Variants in MAPKBP1 observed in about 807,000 individuals in gnomAD.
MAPKBP1 encodes mitogen-activated protein kinase binding protein 1, also known as mitogen-activated protein kinase-binding protein 1.
MAPKBP1 carries 71 observed loss-of-function variants against 170.5 expected under a neutral mutation model. That is an observed-to-expected ratio of 0.42 (90% CI 0.34 to 0.51). The LOEUF (loss-of-function observed/expected upper bound fraction) is 0.51. Among genes scored for constraint, MAPKBP1 ranks in the 20% least tolerant of loss-of-function variants. The pLI, the probability that MAPKBP1 is intolerant of heterozygous loss-of-function variation, is 0.06. For missense variants in MAPKBP1, 1,598 were observed against 1,933.0 expected, an observed-to-expected ratio of 0.83 and a Z score of 3.25; for synonymous variants, 719 against 757.9, an observed-to-expected ratio of 0.95 and a Z score of 0.84.
At chr15:41,784,540 T>C (rs1365620553) in intron 2 of MAPKBP1, among the ~76,000 whole-genome samples, 4 of 151,906 alleles carry the variant, frequency 2.6e-5, no homozygotes, top group Non-Finnish European at 5.9e-5. Flanking sequence ...TCCCAGCACT[T>C]TGGGAGGCCG....
intron 2 of MAPKBP1, among the ~76,000 whole-genome samples, chr15:41,786,794 A>T: frequency 8.0e-6 from 1 of 124,946 alleles, no homozygotes; most frequent in Admixed American, 7.9e-5. Flanking sequence ...ATATATATAT[A>T]TATATATATA....
chr15:41,797,753 T>A (rs2064516237), intron 2 of MAPKBP1, among the ~76,000 whole-genome samples: 1 of 152,206 alleles, frequency 6.6e-6, no homozygotes, highest in South Asian at 2.1e-4. Context: ...GTTGCTGCTC[T>A]GTATTGAAAC....
At chr15:41,819,557 G>GGGGGGGCCCCCCCCCCCC in intron 21 of MAPKBP1, 38 bp from the exon 22 acceptor site, 2 of 1,384,664 alleles carry the variant, frequency 1.4e-6, no homozygotes, top group South Asian at 1.2e-5. Flanking sequence ...CGGGGGGGGG[G>GGGGGGGCCCCCCCCCCCC]CAGGAGACAC....
chr15:41,810,784 A>C (rs531430417), intron 3 of MAPKBP1, 99 bp from the exon 4 acceptor site: 1 of 879,682 alleles, frequency 1.1e-6, no homozygotes, highest in East Asian at 2.4e-5. Flanking sequence ...CTTTCTACCC[A>C]GCTCCCTCTG....
intron 22 of MAPKBP1, 54 bp from the exon 23 acceptor site, chr15:41,820,778 T>G (rs1469944171): frequency 7.6e-7 from 1 of 1,318,090 alleles, no homozygotes; most frequent in African/African-American, 1.4e-5. Flanking sequence ...GGATATTTGT[T>G]GATCTTACTG....
At position 41,817,745 on chromosome 15, in the gene MAPKBP1, C is replaced by G; in HGVS notation, c.1904+10C>G. On this transcript the variant is annotated intron_variant, in intron 16 of 30. Transcript: ENST00000457542. The surrounding 1 kb of genome is among the most constrained non-coding windows in gnomAD (Gnocchi z 4.2). ...AGGACCGAAATATTCGGTGGGCGTCCCCTCCTCAGACTCTGCCCACATTCC... is the reference window on the plus strand; with the variant it reads ...AGGACCGAAATATTCGGTGGGCGTCGCCTCCTCAGACTCTGCCCACATTCC... 1.2e-6 allele frequency: 2 copies of G among 1,610,694 alleles called. No individual in the cohort carries two copies. The highest frequency in any genetic ancestry group is 1.7e-5 in the Admixed American group (1 of 59,422).
intron 10 of MAPKBP1, 114 bp from the exon 11 acceptor site, chr15:41,815,145 T>C: frequency 7.7e-7 from 1 of 1,297,474 alleles, no homozygotes; most frequent in East Asian, 2.3e-5. Flanking sequence ...TGACAGGCAC[T>C]GGGCTAAGTC....
intron 2 of MAPKBP1, among the ~76,000 whole-genome samples, chr15:41,780,016 G>A (rs1483622258): frequency 6.6e-6 from 1 of 152,148 alleles, no homozygotes; most frequent in Non-Finnish European, 1.5e-5. Context: ...GGAGAGAGAG[G>A]ATGCTTCTCT....
At chr15:41,776,370 G>A (rs1055773152) in intron 2 of MAPKBP1, among the ~76,000 whole-genome samples, 2 of 152,214 alleles carry the variant, frequency 1.3e-5, no homozygotes, top group Non-Finnish European at 2.9e-5. Context: ...CAAATGGCAG[G>A]GTTCTGGGAG....
intron 2 of MAPKBP1, among the ~76,000 whole-genome samples, chr15:41,790,709 A>G (rs563248407): frequency 4.6e-5 from 7 of 152,188 alleles, no homozygotes; most frequent in Non-Finnish European, 1.0e-4. Context: ...GGAACTCTAC[A>G]TCAGCCAAAC....
At chr15:41,815,530 G>A (rs998347080) in intron 11 of MAPKBP1, 94 bp from the exon 12 acceptor site, 1 of 1,551,906 alleles carries the variant, frequency 6.4e-7, no homozygotes, top group African/African-American at 1.4e-5. Flanking sequence ...GCTGTGCTCT[G>A]TGGTCCAAGG....
chr15:41,774,553 T>C lies in MAPKBP1; in HGVS notation c.-167T>C. The C allele has an allele frequency of 2.5e-6, 1 of 398,646 alleles. No homozygotes were observed. Among genetic ancestry groups the C allele is most frequent in the Non-Finnish European group, 4.4e-6 (1 of 226,076 alleles). The allele number at this position is 398,646 out of a possible 1,614,324, so 24.7% of individuals were successfully genotyped here. ...GCGGCTACCGCGGCGGAGCTGAAAT[T>C]GCCGAACGCGATGCCCGAGGGCGCT... On this transcript the variant is annotated 5_prime_UTR_variant, in exon 1 of 31. Transcript: ENST00000457542.
At chr15:41,778,379 A>C (rs760108168) in intron 2 of MAPKBP1, among the ~76,000 whole-genome samples, 1 of 152,232 alleles carries the variant, frequency 6.6e-6, no homozygotes, top group Non-Finnish European at 1.5e-5. Flanking sequence ...GTATGCAGAA[A>C]GCAGTGCTCA....
intron 27 of MAPKBP1, 47 bp from the exon 28 acceptor site, chr15:41,822,892 G>A: frequency 1.3e-6 from 2 of 1,560,230 alleles, no homozygotes; most frequent in Non-Finnish European, 1.7e-6. Context: ...TGGCAGGGAG[G>A]AGCATTGAGC....
chr15:41,819,774 T>G lies in MAPKBP1; in HGVS notation c.2481+124T>G, dbSNP rs1284251052. 10 of 1,011,814 alleles carry G rather than the reference T, an allele frequency of 9.9e-6. No individual in the cohort carries two copies. The East Asian group carries it at 2.5e-4, about 25-fold the overall frequency. 62.7% of individuals were successfully genotyped at this position (1,011,814 alleles called of 1,614,324 possible). On this transcript the variant is annotated intron_variant, in intron 22 of 30. Transcript: ENST00000457542. ...GGTCTGCCCACATGCTGCACTCGTGTGTCCAAGGAAGGCCTTGTCGGGGAA... is the reference window on the plus strand; with the variant it reads ...GGTCTGCCCACATGCTGCACTCGTGGGTCCAAGGAAGGCCTTGTCGGGGAA...
intron 22 of MAPKBP1, among the ~76,000 whole-genome samples, chr15:41,820,246 G>A (rs112948067): frequency 3.7e-4 from 56 of 152,288 alleles, no homozygotes; most frequent in Non-Finnish European, 6.3e-4. Context: ...TGATGATGCT[G>A]TGGTGTCTCT....
At chr15:41,815,996 A>G (rs2064884235) in intron 12 of MAPKBP1, among the ~76,000 whole-genome samples, 197 bp downstream of exon 12, 1 of 152,268 alleles carries the variant, frequency 6.6e-6, no homozygotes, top group Non-Finnish European at 1.5e-5. Flanking sequence ...CCTCATATCA[A>G]CATCATTAAG....
intron 12 of MAPKBP1, 71 bp from the exon 13 acceptor site, chr15:41,816,488 G>A: frequency 9.9e-7 from 1 of 1,012,460 alleles, no homozygotes; most frequent in Non-Finnish European, 1.6e-6. Context: ...AGAAAATGTA[G>A]CAGAGGAGGG....
intron 21 of MAPKBP1, 48 bp from the exon 22 acceptor site, chr15:41,819,547 C>CGGGGGGGGGGGGGGG: frequency 8.1e-7 from 1 of 1,228,200 alleles, no homozygotes; most frequent in Non-Finnish European, 1.1e-6. Context: ...GGTTGGGTGG[C>CGGGGGGGGGGGGGGG]GGGGGGGGGG....
Sources: gnomAD v4.1 joint callset for allele counts (sites outside exome capture counted in the v4.1 genomes callset) on GRCh38, gnomAD v4.1.1 for gene constraint, Gnocchi (gnomAD v3.1) non-coding constraint, MANE v1.5 for transcripts, NCBI Gene and HGNC (gene_info 2026-07-23, HGNC 2026-07-21) for gene names.